GPM6B: variants seen among roughly 807,000 people sequenced by gnomAD.
The protein encoded by GPM6B is neuronal membrane glycoprotein M6-b.
A neutral mutation model predicts 27.2 loss-of-function variants in GPM6B; 4 were observed. That is an observed-to-expected ratio of 0.15 (90% CI 0.07 to 0.34). The LOEUF is 0.34. GPM6B is among the 10% of genes least tolerant of loss of function. The pLI, the probability that GPM6B is intolerant of heterozygous loss-of-function variation, is 1.00. For missense variants in GPM6B, 183 were observed against 261.9 expected (o/e 0.70, Z 2.08); for synonymous variants, 124 against 103.1 (o/e 1.20, Z -1.23).
chrX:13,809,311 C>T lies in GPM6B; in HGVS notation c.62-1542G>A, dbSNP rs143471800. 1.5e-4 allele frequency among the ~76,000 whole-genome samples: 17 copies of T among 112,093 alleles called. No individual in the cohort carries two copies. In the East Asian group the frequency reaches 4.8e-3, roughly 31 times the overall value. Reference sequence around the variant, plus strand: ...CCTACTGTGACCTCTGCATGTATTGCAATTTTCTACTCTTCTGCTGAGGCA... The same window carrying T: ...CCTACTGTGACCTCTGCATGTATTGTAATTTTCTACTCTTCTGCTGAGGCA... On this transcript the variant is annotated intron_variant, in intron 1 of 7. Transcript: ENST00000316715.
intron 1 of GPM6B, among the ~76,000 whole-genome samples, chrX:13,936,585 G>A (rs1295521413): frequency 1.8e-5 from 2 of 112,137 alleles, no homozygotes; most frequent in African/African-American, 6.5e-5. Context: ...GTCTACCAAA[G>A]GAAATCAGTA....
At chrX:13,801,916 G>A (rs755655556) in intron 2 of GPM6B, among the ~76,000 whole-genome samples, 8 of 111,162 alleles carry the variant, frequency 7.2e-5, no homozygotes, top group South Asian at 3.9e-4. Flanking sequence ...AGAGCATTCC[G>A]TTTAGTACAA....
At chrX:13,846,810 T>TTTA (rs1159751365) in intron 1 of GPM6B, among the ~76,000 whole-genome samples, 4 of 105,484 alleles carry the variant, frequency 3.8e-5, no homozygotes, top group Admixed American at 1.0e-4. Context: ...TTTTTTTTTT[T>TTTA]AAACTTTTTC....
chrX:13,853,447 T>G (rs1057165493), intron 1 of GPM6B, among the ~76,000 whole-genome samples: 1 of 108,604 alleles, frequency 9.2e-6, no homozygotes, highest in African/African-American at 3.4e-5. Flanking sequence ...CTACTAAAAA[T>G]ACAAAAATTA....
intron 1 of GPM6B, among the ~76,000 whole-genome samples, chrX:13,808,935 T>C (rs1311197241): frequency 8.9e-6 from 1 of 112,244 alleles, no homozygotes; most frequent in East Asian, 2.8e-4. Flanking sequence ...CAAGGTAAGG[T>C]ATACATAACT....
chrX:13,793,434 G>T (rs2048751700), intron 2 of GPM6B, among the ~76,000 whole-genome samples: 1 of 111,125 alleles, frequency 9.0e-6, no homozygotes, highest in Non-Finnish European at 1.9e-5. Flanking sequence ...ATCTCCCGAG[G>T]CTGTGTCACA....
At chrX:13,840,587 G>A (rs1485917172) in intron 1 of GPM6B, among the ~76,000 whole-genome samples, 1 of 111,638 alleles carries the variant, frequency 9.0e-6, no homozygotes, top group Admixed American at 9.5e-5. Context: ...CAAGTAAGAA[G>A]GAATTCCTCC....
intron 1 of GPM6B, among the ~76,000 whole-genome samples, chrX:13,920,665 G>A (rs770218233): frequency 9.0e-6 from 1 of 111,441 alleles, no homozygotes; most frequent in South Asian, 3.8e-4. Flanking sequence ...GCTGAGGAGG[G>A]CAGATCACAA....
At chrX:13,886,144 T>A (rs2050132934) in intron 1 of GPM6B, among the ~76,000 whole-genome samples, 1 of 112,261 alleles carries the variant, frequency 8.9e-6, no homozygotes, top group Non-Finnish European at 1.9e-5. Context: ...TTTTTCATTA[T>A]GTGCTGCAAA....
chrX:13,879,752 A>C (rs1241101512), intron 1 of GPM6B, among the ~76,000 whole-genome samples: 1 of 112,076 alleles, frequency 8.9e-6, no homozygotes, highest in African/African-American at 3.2e-5. Flanking sequence ...AGCAGCAAAA[A>C]ACAGGGATTC....
intron 3 of GPM6B, among the ~76,000 whole-genome samples, chrX:13,784,160 G>A (rs759214033): frequency 2.9e-4 from 33 of 112,879 alleles, no homozygotes; most frequent in Non-Finnish European, 6.0e-4. Flanking sequence ...CTCAGCCTTC[G>A]GCTGCCCACT....
chrX:13,877,796 C>T (rs1347336049), intron 1 of GPM6B, among the ~76,000 whole-genome samples: 1 of 78,183 alleles, frequency 1.3e-5, no homozygotes, highest in Admixed American at 1.9e-4. Context: ...CACTACACCC[C>T]AGCCTGGGCA....
At chrX:13,891,126 T>G (rs756996306) in intron 1 of GPM6B, among the ~76,000 whole-genome samples, 79 of 111,084 alleles carry the variant, frequency 7.1e-4, no homozygotes, top group African/African-American at 2.5e-3. Flanking sequence ...TTTTTGCCAT[T>G]ACTTTCAAAA....
intron 2 of GPM6B, among the ~76,000 whole-genome samples, chrX:13,797,482 C>T (rs982868808): frequency 2.7e-5 from 3 of 110,635 alleles, no homozygotes; most frequent in East Asian, 2.8e-4. Context: ...ACGTGGGGAG[C>T]GTTCAGGGTG....
At chrX:13,930,632 G>A (rs907469882) in intron 1 of GPM6B, among the ~76,000 whole-genome samples, 7 of 109,408 alleles carry the variant, frequency 6.4e-5, no homozygotes, top group Non-Finnish European at 1.3e-4. Context: ...AAAAAGAAAC[G>A]AACAAGGGAA....
At chrX:13,798,335 G>A (rs2048854146) in intron 2 of GPM6B, among the ~76,000 whole-genome samples, 1 of 108,478 alleles carries the variant, frequency 9.2e-6, no homozygotes, top group South Asian at 4.1e-4. Context: ...GCAAGGGTCA[G>A]GGAGGCCTTA....
chrX:13,871,806 G>C (rs2049981292), intron 1 of GPM6B, among the ~76,000 whole-genome samples: 2 of 112,114 alleles, frequency 1.8e-5, no homozygotes, highest in African/African-American at 6.5e-5. Context: ...CACAAATATA[G>C]AGCATTTCTG....
At chrX:13,875,455 G>A (rs1294818370) in intron 1 of GPM6B, among the ~76,000 whole-genome samples, 1 of 111,472 alleles carries the variant, frequency 9.0e-6, no homozygotes, top group Non-Finnish European at 1.9e-5. Context: ...TGAGCAAAAG[G>A]CCGCACGGGT....
At chrX:13,901,416 C>G (rs2050280754) in intron 1 of GPM6B, among the ~76,000 whole-genome samples, 1 of 86,600 alleles carries the variant, frequency 1.2e-5, no homozygotes, top group South Asian at 7.3e-4. Flanking sequence ...CTGGAATGCC[C>G]CACTTCCTTG....
Sources: gnomAD v4.1 joint callset for allele counts (sites outside exome capture counted in the v4.1 genomes callset) on GRCh38, gnomAD v4.1.1 for gene constraint, MANE v1.5 for transcripts, NCBI Gene and HGNC (gene_info 2026-07-23, HGNC 2026-07-21) for gene names.